The following KSR2 variants were observed in gnomAD, a reference collection of about 807,000 sequenced individuals.
The protein encoded by KSR2 is kinase suppressor of ras 2.
In KSR2, 25 loss-of-function variants were observed where a neutral mutation model predicts 107.8. The observed-to-expected ratio is 0.23, with a 90% CI of 0.17 to 0.32. The LOEUF (loss-of-function observed/expected upper bound fraction) is 0.32, where lower values mean the gene tolerates loss of function less well. Ranked by LOEUF, KSR2 falls within the 10% of genes least tolerant of loss-of-function variation. KSR2 has a pLI of 1.00. For synonymous variants in KSR2, 480 were observed against 507.0 expected, an observed-to-expected ratio of 0.95 and a Z score of 0.71; for missense variants, 887 against 1,268.9, an observed-to-expected ratio of 0.70 and a Z score of 4.57.
At chr12:117,561,232 C>T (rs1878097706) in intron 7 of KSR2, among the ~76,000 whole-genome samples, 5 of 152,116 alleles carry the variant, frequency 3.3e-5, no homozygotes, top group Admixed American at 3.3e-4. Context: ...TTGACTTAGA[C>T]ATTTTGGAAT....
In KSR2 at chr12:117,902,881, A is replaced by T. The variant is rs1025151692; in HGVS notation, c.181-42450T>A. On this transcript the variant is annotated intron_variant, in intron 1 of 19. Transcript: ENST00000339824. ...ACAGCACAGTCTCTGGAGTCAGATC[A>T]CCTGGATGTGAATCCTGACTTTACT... Among the ~76,000 whole-genome samples the T allele has an allele frequency of 2.6e-5, 4 of 152,256 alleles. No homozygotes were observed. The South Asian group carries it at 6.2e-4, about 24-fold the overall frequency.
chr12:117,910,900 G>A (rs533076312), intron 1 of KSR2, among the ~76,000 whole-genome samples: 17 of 152,208 alleles, frequency 1.1e-4, no homozygotes, highest in African/African-American at 2.9e-4. Flanking sequence ...ACCACAGTTC[G>A]GTGCCTCCCA....
At chr12:117,508,670 C>G (rs947624624) in intron 14 of KSR2, among the ~76,000 whole-genome samples, 2 of 150,512 alleles carry the variant, frequency 1.3e-5, no homozygotes, top group African/African-American at 4.9e-5. Context: ...GGTGGACTGA[C>G]AGGATGAATG....
At chr12:117,749,914 G>A (rs1259543223) in intron 4 of KSR2, among the ~76,000 whole-genome samples, 1 of 151,942 alleles carries the variant, frequency 6.6e-6, no homozygotes, top group Non-Finnish European at 1.5e-5. Flanking sequence ...TCCAGGATGG[G>A]GGTACTAGGT....
At chr12:117,906,052 T>TA (rs56062908) in intron 1 of KSR2, among the ~76,000 whole-genome samples, 42,364 of 151,732 alleles carry the variant, frequency 0.28, 6,347 homozygotes, top group East Asian at 0.52. Flanking sequence ...GAGAAACACT[T>TA]AAAAAAACCG....
chr12:117,782,593 A>G (rs1889924529), intron 3 of KSR2, among the ~76,000 whole-genome samples: 1 of 152,168 alleles, frequency 6.6e-6, no homozygotes, highest in Non-Finnish European at 1.5e-5. Context: ...AGTATCTACT[A>G]TGTGCCACGA....
intron 5 of KSR2, among the ~76,000 whole-genome samples, chr12:117,594,155 A>G (rs1342814855): frequency 2.0e-5 from 3 of 152,204 alleles, no homozygotes; most frequent in African/African-American, 7.2e-5. Flanking sequence ...GCCACTCTCT[A>G]GTTAATGTTC....
intron 1 of KSR2, among the ~76,000 whole-genome samples, chr12:117,886,949 A>C (rs76857920): frequency 0.013 from 1,904 of 152,224 alleles, 37 homozygotes; most frequent in African/African-American, 0.043. Context: ...TTTGAGACAG[A>C]GTCTTACTCT....
At position 117,539,831 on chromosome 12, in the gene KSR2, C is replaced by T. The variant is rs756688718; in HGVS notation, c.1575G>A (p.Thr525=). 6.8e-6 allele frequency: 11 copies of T among 1,610,068 alleles called. No homozygotes were observed. Among genetic ancestry groups the T allele is most frequent in the African/African-American group, 2.7e-5 (2 of 74,612 alleles). ...GTGCTGGCGAGGAGGGCGTGGAGGA[C>T]GTCGTGGAGGAGGGGTTGCTGCTGG... The part of the protein sequence containing the change: ...PDSSSNPSST[T]SSTPSSPAPP... Residue 525 remains threonine (T), a synonymous_variant, in exon 10 of 20, where the codon ACG becomes ACA. Coordinates refer to ENST00000339824, the MANE Select transcript of KSR2 (RefSeq NM_173598.6).
intron 5 of KSR2, among the ~76,000 whole-genome samples, chr12:117,658,712 T>G (rs1884292168): frequency 6.6e-6 from 1 of 152,134 alleles, no homozygotes; most frequent in African/African-American, 2.4e-5. Flanking sequence ...CTTACCCAGC[T>G]GGATAGATGG....
At chr12:117,831,216 T>C (rs1891951214) in intron 3 of KSR2, among the ~76,000 whole-genome samples, 1 of 152,230 alleles carries the variant, frequency 6.6e-6, no homozygotes, top group Non-Finnish European at 1.5e-5. Flanking sequence ...GTTTGGATTA[T>C]TTTTTAGCTC....
intron 3 of KSR2, among the ~76,000 whole-genome samples, chr12:117,780,725 T>C (rs1057481358): frequency 8.5e-5 from 13 of 152,198 alleles, no homozygotes; most frequent in African/African-American, 1.9e-4. Flanking sequence ...AAAAAATTAA[T>C]GTTGGCTGAT....
chr12:117,508,695 T>A (rs1391141589), intron 14 of KSR2, among the ~76,000 whole-genome samples: 1 of 150,774 alleles, frequency 6.6e-6, no homozygotes, highest in East Asian at 2.0e-4. Flanking sequence ...AATGGACAGG[T>A]GGATGTTAAA....
At chr12:117,533,086 C>T (rs765902849) in intron 10 of KSR2, among the ~76,000 whole-genome samples, 1 of 152,102 alleles carries the variant, frequency 6.6e-6, no homozygotes, top group Non-Finnish European at 1.5e-5. Context: ...AGGGCAAGGA[C>T]CATCATTACG....
At chr12:117,885,683 CA>C (rs1442756106) in intron 1 of KSR2, among the ~76,000 whole-genome samples, 1 of 125,556 alleles carries the variant, frequency 8.0e-6, no homozygotes, top group Non-Finnish European at 1.6e-5. Context: ...GGGAACAACA[CA>C]GGGGGCGGGG....
At chr12:117,575,880 G>A (rs957332496) in intron 7 of KSR2, among the ~76,000 whole-genome samples, 1 of 152,226 alleles carries the variant, frequency 6.6e-6, no homozygotes, top group Non-Finnish European at 1.5e-5. Flanking sequence ...GGGCACTAAT[G>A]TCACACTTGT....
chr12:117,615,635 C>T (rs768335597), intron 5 of KSR2, among the ~76,000 whole-genome samples: 2 of 152,132 alleles, frequency 1.3e-5, no homozygotes, highest in Non-Finnish European at 2.9e-5. Context: ...CTGCCAAAAG[C>T]CAGCACCAAC....
chr12:117,539,092 C>G (rs979683227), intron 10 of KSR2, among the ~76,000 whole-genome samples: 3 of 152,224 alleles, frequency 2.0e-5, no homozygotes, highest in African/African-American at 7.2e-5. Flanking sequence ...CTCTGGTCAA[C>G]AGTCCAGGTA....
Position 117,524,869 on chromosome 12 carries a change from G to A in KSR2, c.2202C>T (p.His734=). The change falls in exon 14 of 20, where the codon CAC becomes CAT. Residue 734 remains histidine, a synonymous_variant. Coordinates refer to ENST00000339824, the MANE Select transcript of KSR2 (RefSeq NM_173598.6). ...LFMGACMSPP[H]LAIITSLCKG... The stretch of plus-strand genomic sequence containing the variant: ...GAACTGACCTGGTGATGATGGCCAG[G>A]TGAGGCGGGCTCATGCAGGCACCCA... 1.2e-6 allele frequency: 2 copies of A among 1,610,918 alleles called. No homozygotes were observed. The highest frequency in any genetic ancestry group is 1.7e-6 in the Non-Finnish European group (2 of 1,178,340).
Sources: gnomAD v4.1 joint callset for allele counts (sites outside exome capture counted in the v4.1 genomes callset) on GRCh38, gnomAD v4.1.1 for gene constraint, MANE v1.5 for transcripts, NCBI Gene and HGNC (gene_info 2026-07-23, HGNC 2026-07-21) for gene names.